CLTC: variants seen among roughly 807,000 people sequenced by gnomAD.
The protein encoded by CLTC is clathrin heavy chain.
A neutral mutation model predicts 195.8 loss-of-function variants in CLTC; 16 were observed. The ratio of observed to expected loss-of-function variants is 0.08; its 90% CI spans 0.06 to 0.12. CLTC has a LOEUF of 0.12. CLTC is among the 10% of genes least tolerant of loss of function. CLTC has a pLI of 1.00. For missense variants in CLTC, 796 were observed against 2,027.0 expected (o/e 0.39, Z 11.66); for synonymous variants, 667 against 689.4 (o/e 0.97, Z 0.51).
intron 17 of CLTC, 54 bp from the exon 18 acceptor site, chr17:59,679,343 T>C: frequency 7.0e-7 from 1 of 1,436,300 alleles, no homozygotes; most frequent in Non-Finnish European, 9.5e-7. Flanking sequence ...TCTAAAATGC[T>C]ATAAAAAGTC....
intron 1 of CLTC, among the ~76,000 whole-genome samples, chr17:59,639,812 A>AG (rs1398755434): frequency 6.7e-6 from 1 of 150,360 alleles, no homozygotes; most frequent in Admixed American, 6.6e-5. Flanking sequence ...TTAAAAAAAA[A>AG]AAAAAATTAG....
intron 1 of CLTC, among the ~76,000 whole-genome samples, chr17:59,640,461 G>A (rs2031995335): frequency 6.6e-6 from 1 of 151,846 alleles, no homozygotes; most frequent in South Asian, 2.1e-4. Flanking sequence ...CAGTAGGGCG[G>A]TCTTGGCTCA....
At chr17:59,680,856 C>G (rs575857266) in intron 18 of CLTC, 56 bp from the exon 19 acceptor site, 76 of 1,444,350 alleles carry the variant, frequency 5.3e-5, no homozygotes, top group Non-Finnish European at 1.0e-5. Context: ...GGCCAACTTA[C>G]GCTTTTTTAA....
chr17:59,679,230 A>G, intron 17 of CLTC, 167 bp from the exon 18 acceptor site: 1 of 475,294 alleles, frequency 2.1e-6, no homozygotes, highest in Non-Finnish European at 3.7e-6. Context: ...CAAAGTCTAT[A>G]TAATTAAAAC....
chr17:59,668,055 TTTAG>T (rs1056160870), intron 13 of CLTC, among the ~76,000 whole-genome samples: 13 of 152,236 alleles, frequency 8.5e-5, no homozygotes, highest in Non-Finnish European at 8.8e-5. Context: ...AAATTTAATA[TTTAG>T]TTATTCAGTC....
At chr17:59,634,180 AT>A (rs1328279153) in intron 1 of CLTC, among the ~76,000 whole-genome samples, 1 of 152,142 alleles carries the variant, frequency 6.6e-6, no homozygotes, top group Non-Finnish European at 1.5e-5. Context: ...AAGTGCTGGG[AT>A]TACAGGCATG....
At chr17:59,645,206 T>C (rs2032158630) in intron 2 of CLTC, among the ~76,000 whole-genome samples, 1 of 152,202 alleles carries the variant, frequency 6.6e-6, no homozygotes, top group African/African-American at 2.4e-5. Context: ...CCTTTGATTC[T>C]GTGCTTTTTT....
chr17:59,664,550 CAAA>C (rs57413220), intron 9 of CLTC: 5,630 of 221,494 alleles, frequency 0.025, no homozygotes, highest in Middle Eastern at 0.037. Context: ...GACCCTGTCT[CAAA>C]AAAAAAAAAA....
At chr17:59,664,953 A>G (rs751353136) in intron 10 of CLTC, 44 bp downstream of exon 10, 10 of 1,605,790 alleles carry the variant, frequency 6.2e-6, no homozygotes, top group Non-Finnish European at 6.8e-6. Flanking sequence ...ATTGAAATGG[A>G]GAGTGGGGGC....
intron 31 of CLTC, 104 bp downstream of exon 31, chr17:59,690,815 C>CTAA: frequency 1.2e-6 from 1 of 825,494 alleles, no homozygotes; most frequent in Non-Finnish European, 1.9e-6. Context: ...GTGCAAAAGG[C>CTAA]TTTCTAAGAA....
chr17:59,674,942 T>C, intron 16 of CLTC, 99 bp downstream of exon 16: 2 of 1,195,900 alleles, frequency 1.7e-6, no homozygotes, highest in Admixed American at 2.3e-5. Flanking sequence ...AAATAACACA[T>C]GGAGAATAAT....
intron 14 of CLTC, among the ~76,000 whole-genome samples, chr17:59,671,459 G>C (rs2032845856): frequency 6.6e-6 from 1 of 152,126 alleles, no homozygotes; most frequent in Non-Finnish European, 1.5e-5. Flanking sequence ...CTCTGATCTT[G>C]AATATTCAAG....
intron 14 of CLTC, 65 bp downstream of exon 14, chr17:59,669,005 G>T (rs1208457087): frequency 7.0e-7 from 1 of 1,419,544 alleles, no homozygotes; most frequent in East Asian, 2.4e-5. Flanking sequence ...CAAGGGTTTG[G>T]TCATAGTTCA....
chr17:59,676,828 G>C lies in CLTC; in HGVS notation c.2562-126G>C, dbSNP rs573893144. On this transcript the variant is annotated intron_variant, in intron 16 of 31. Coordinates refer to ENST00000269122, the MANE Select transcript of CLTC (RefSeq NM_004859.4). ...CAGCCTGGACAATGTAGCAATACTC[G>C]GGGGGCGGGGAAAAAGTATGTGAAA... is the stretch of plus-strand genomic sequence containing the variant. The C allele has an allele frequency of 5.7e-6, 4 of 698,652 alleles. No homozygotes were observed. In the African/African-American group the frequency reaches 7.2e-5, roughly 12 times the overall value. The allele number at this position is 698,652 out of a possible 1,614,324, so 43.3% of individuals were successfully genotyped here. A position where few individuals can be genotyped will look rare whatever the true frequency, so the allele number is the denominator to read the frequency against.
At chr17:59,641,963 T>C (rs1037849633) in intron 1 of CLTC, among the ~76,000 whole-genome samples, 13 of 151,250 alleles carry the variant, frequency 8.6e-5, no homozygotes, top group Non-Finnish European at 1.8e-4. Context: ...GCTGGGATTA[T>C]AGGTGTGAAC....
intron 14 of CLTC, chr17:59,670,839 C>T (rs1024959047): frequency 2.0e-5 from 3 of 152,158 alleles, no homozygotes; most frequent in African/African-American, 4.8e-5. Flanking sequence ...TTCCCCTCCA[C>T]ACTTGTGAAC....
At chr17:59,649,279 C>G (rs966528756) in intron 4 of CLTC, among the ~76,000 whole-genome samples, 2 of 152,144 alleles carry the variant, frequency 1.3e-5, no homozygotes, top group African/African-American at 4.8e-5. Flanking sequence ...TTCCACAGAA[C>G]TCTGAGGACA....
rs2032981621 is a variant in CLTC at position 59,677,041 on chromosome 17, C to T, written c.2649C>T (p.Tyr883=). ...PATHNALAKI[Y]IDSNNNPERF... ...CTCACAATGCCTTAGCCAAAATCTA[C>T]ATAGACAGTAATAACAACCCGGAGA... The change falls in exon 17 of 32, where the codon TAC becomes TAT. Residue 883 remains tyrosine, a synonymous_variant. Transcript: ENST00000269122. The T allele has an allele frequency of 1.2e-6, 2 of 1,613,954 alleles. No homozygotes were observed. Among genetic ancestry groups the T allele is most frequent in the South Asian group, 2.2e-5 (2 of 91,092 alleles).
chr17:59,667,573 T>C (rs74984002), intron 13 of CLTC, among the ~76,000 whole-genome samples: 79 of 152,346 alleles, frequency 5.2e-4, no homozygotes, highest in African/African-American at 1.8e-3. Context: ...GATTTGTTGC[T>C]ATTTAGCAGG....
Sources: gnomAD v4.1 joint callset for allele counts (sites outside exome capture counted in the v4.1 genomes callset) on GRCh38, gnomAD v4.1.1 for gene constraint, MANE v1.5 for transcripts, NCBI Gene and HGNC (gene_info 2026-07-23, HGNC 2026-07-21) for gene names.